The following LRP1B variants were observed in gnomAD, a reference collection of about 807,000 sequenced individuals.
LRP1B encodes the protein LDL receptor related protein 1B, also known as low-density lipoprotein receptor-related protein 1B.
In LRP1B, 217 loss-of-function variants were observed where a neutral mutation model predicts 556.6. The observed-to-expected ratio is 0.39, with a 90% CI of 0.35 to 0.44. LRP1B has a LOEUF of 0.44. Among genes scored for constraint, LRP1B ranks in the 20% least tolerant of loss-of-function variants. LRP1B has a pLI of 1.00. For synonymous variants in LRP1B, 2,047 were observed against 1,865.8 expected, an observed-to-expected ratio of 1.10 and a Z score of -2.50; for missense variants, 5,053 against 5,620.8, an observed-to-expected ratio of 0.90 and a Z score of 3.23.
intron 41 of LRP1B, among the ~76,000 whole-genome samples, chr2:140,668,399 A>C (rs1036281218): frequency 6.8e-6 from 1 of 147,432 alleles, no homozygotes; most frequent in Non-Finnish European, 1.5e-5. Context: ...TACTTCGGTC[A>C]TTTTTTTTGA....
intron 43 of LRP1B, among the ~76,000 whole-genome samples, chr2:140,588,244 A>C (rs919236405): frequency 6.6e-6 from 1 of 152,140 alleles, no homozygotes; most frequent in Admixed American, 6.5e-5. Context: ...AAAATCTAAC[A>C]CTGTTGTGTG....
intron 7 of LRP1B, among the ~76,000 whole-genome samples, chr2:141,142,089 CA>C (rs11346752): frequency 0.99 from 148,895 of 150,412 alleles, 73,706 homozygotes; most frequent in Middle Eastern, 1. Flanking sequence ...TCTGGTATAA[CA>C]AAAAAAAAAA....
chr2:140,821,313 A>C (rs1691322333), intron 31 of LRP1B, among the ~76,000 whole-genome samples: 1 of 152,170 alleles, frequency 6.6e-6, no homozygotes, highest in Admixed American at 6.5e-5. Flanking sequence ...TGAAAATGTA[A>C]TATATTTAAA....
At chr2:141,132,720 A>G (rs1701390011) in intron 7 of LRP1B, among the ~76,000 whole-genome samples, 1 of 152,098 alleles carries the variant, frequency 6.6e-6, no homozygotes, top group South Asian at 2.1e-4. Flanking sequence ...TCCAACTTAA[A>G]AAAAAGTCTT....
At chr2:140,884,181 A>T (rs1693562530) in intron 24 of LRP1B, among the ~76,000 whole-genome samples, 160 bp from the exon 25 acceptor site, 1 of 152,200 alleles carries the variant, frequency 6.6e-6, no homozygotes, top group Non-Finnish European at 1.5e-5. Context: ...AAAACCAAGT[A>T]GACTCAAATT....
intron 20 of LRP1B, among the ~76,000 whole-genome samples, chr2:140,937,209 C>T (rs34872955): frequency 0.15 from 22,528 of 151,954 alleles, 1,803 homozygotes; most frequent in Middle Eastern, 0.18. Flanking sequence ...TACTAAAGGG[C>T]ACATAGGAAA....
chr2:140,731,111 A>T (rs565241344), intron 35 of LRP1B, among the ~76,000 whole-genome samples: 3 of 152,164 alleles, frequency 2.0e-5, no homozygotes, highest in African/African-American at 7.2e-5. Flanking sequence ...TTACTCAGAC[A>T]TTAAGACTCA....
chr2:141,457,510 T>C (rs1681678607), intron 3 of LRP1B, among the ~76,000 whole-genome samples: 1 of 152,022 alleles, frequency 6.6e-6, no homozygotes, highest in Non-Finnish European at 1.5e-5. Context: ...AGGTGATGGG[T>C]TGATAGATGC....
chr2:140,604,783 G>A (rs565884928), intron 41 of LRP1B, among the ~76,000 whole-genome samples: 1 of 151,850 alleles, frequency 6.6e-6, no homozygotes, highest in Non-Finnish European at 1.5e-5. Context: ...GACCCAGTCG[G>A]GGGTAATTGA....
At chr2:141,645,841 A>G (rs1689542781) in intron 2 of LRP1B, among the ~76,000 whole-genome samples, 1 of 152,064 alleles carries the variant, frequency 6.6e-6, no homozygotes, top group Admixed American at 6.6e-5. Context: ...ACAGGCACAC[A>G]CATCCATATA....
Position 140,471,849 on chromosome 2 carries a change from C to T in LRP1B, c.9625+3289G>A, listed in dbSNP as rs952299442. On this transcript the variant is annotated intron_variant, in intron 60 of 90. Transcript: ENST00000389484. ...GCCCTTGTTCATCTAGTGTCATTAT[C>T]TCCTTCTTATATGACTTCCAGTCAT... Among the ~76,000 whole-genome samples the T allele has an allele frequency of 1.4e-4, 21 of 152,168 alleles. 1 individual carries two copies. The highest frequency in any genetic ancestry group is 5.1e-4 in the African/African-American group (21 of 41,450).
intron 3 of LRP1B, among the ~76,000 whole-genome samples, chr2:141,407,770 C>T (rs1466000577): frequency 6.6e-6 from 1 of 152,158 alleles, no homozygotes; most frequent in Admixed American, 6.5e-5. Context: ...AACCAATAAA[C>T]CTCTTTTCTT....
intron 32 of LRP1B, among the ~76,000 whole-genome samples, chr2:140,809,426 T>C (rs1278525261): frequency 6.6e-6 from 1 of 152,126 alleles, no homozygotes; most frequent in Non-Finnish European, 1.5e-5. Flanking sequence ...CTTTCATTTT[T>C]CCCACTCCAT....
chr2:141,716,239 A>C (rs1271807301), intron 2 of LRP1B, among the ~76,000 whole-genome samples: 1 of 152,250 alleles, frequency 6.6e-6, no homozygotes, highest in Non-Finnish European at 1.5e-5. Context: ...CACAGAAGCT[A>C]TAAAGGGCAT....
At chr2:140,645,416 T>C (rs1407287433) in intron 41 of LRP1B, among the ~76,000 whole-genome samples, 1 of 152,096 alleles carries the variant, frequency 6.6e-6, no homozygotes, top group East Asian at 1.9e-4. Flanking sequence ...ATTAACTTCT[T>C]GTCTGTTCAC....
At chr2:141,123,648 A>G (rs1365852318) in intron 7 of LRP1B, among the ~76,000 whole-genome samples, 1 of 152,162 alleles carries the variant, frequency 6.6e-6, no homozygotes, top group African/African-American at 2.4e-5. Flanking sequence ...CCTAAATAAC[A>G]TAACTTAAAA....
chr2:140,985,653 T>A (rs1313982399), intron 17 of LRP1B, among the ~76,000 whole-genome samples: 3 of 151,992 alleles, frequency 2.0e-5, no homozygotes, highest in Non-Finnish European at 4.4e-5. Flanking sequence ...ACTGTGTATG[T>A]GCTGTTTCCT....
At chr2:140,310,797 TA>T (rs1684264663) in intron 83 of LRP1B, among the ~76,000 whole-genome samples, 1 of 151,784 alleles carries the variant, frequency 6.6e-6, no homozygotes, top group Non-Finnish European at 1.5e-5. Context: ...TAAAAAATGC[TA>T]GAAGAAAACC....
intron 1 of LRP1B, among the ~76,000 whole-genome samples, chr2:142,038,916 G>A (rs979480816): frequency 2.0e-5 from 3 of 151,466 alleles, no homozygotes; most frequent in Admixed American, 1.3e-4. Flanking sequence ...ATGAAATCTA[G>A]GCCAATCATT....
Sources: gnomAD v4.1 joint callset for allele counts (sites outside exome capture counted in the v4.1 genomes callset) on GRCh38, gnomAD v4.1.1 for gene constraint, MANE v1.5 for transcripts, NCBI Gene and HGNC (gene_info 2026-07-23, HGNC 2026-07-21) for gene names.